CCDC154: variants seen among roughly 807,000 people sequenced by gnomAD.
CCDC154 encodes the protein coiled-coil domain-containing protein 154.
CCDC154 carries 91 observed loss-of-function variants against 87.5 expected under a neutral mutation model. The ratio of observed to expected loss-of-function variants is 1.04; its 90% CI spans 0.88 to 1.24. The LOEUF (loss-of-function observed/expected upper bound fraction) is 1.24. Among genes scored for constraint, CCDC154 ranks in the 50% most tolerant of loss-of-function variants. The probability of loss-of-function intolerance (pLI) is 0.00; values close to 1 mark genes in which losing one functional copy is unlikely to be tolerated. For synonymous variants in CCDC154, 418 were observed against 400.4 expected, an observed-to-expected ratio of 1.04 and a Z score of -0.52; for missense variants, 903 against 879.2, an observed-to-expected ratio of 1.03 and a Z score of -0.34.
At chr16:1,436,880 CG>C in intron 11 of CCDC154, 69 bp from the exon 12 acceptor site, 1 of 1,535,958 alleles carries the variant, frequency 6.5e-7, no homozygotes, top group East Asian at 2.5e-5. Flanking sequence ...AAGACGGACA[CG>C]GGGAGCTCTG....
At chr16:1,443,132 G>C (rs765577600) in intron 4 of CCDC154, 129 bp downstream of exon 4, 191 of 1,355,082 alleles carry the variant, frequency 1.4e-4, no homozygotes, top group Non-Finnish European at 1.9e-4. Flanking sequence ...TTTCTAGCTG[G>C]ACCTGGATGT....
rs900416064 is a variant in CCDC154, at chr16:1,436,881, G to A, written c.1291-70C>T. The A allele has an allele frequency of 2.7e-5, 41 of 1,525,202 alleles. 1 individual carries two copies. The highest frequency in any genetic ancestry group is 2.0e-4 in the East Asian group (8 of 40,608). 94.5% of individuals were successfully genotyped at this position (1,525,202 alleles called of 1,614,324 possible). On this transcript the variant is annotated intron_variant, in intron 11 of 16. Transcript: ENST00000389176. ...GACAGACAGATGGAAAGACGGACAC[G>A]GGGAGCTCTGGGGAGCAGGCGGCCC...
intron 6 of CCDC154, among the ~76,000 whole-genome samples, chr16:1,441,237 C>T (rs888907049): frequency 1.3e-5 from 2 of 152,232 alleles, no homozygotes; most frequent in Non-Finnish European, 2.9e-5. Context: ...ACACCTGGCA[C>T]CTTGGGAATC....
At position 1,437,742 on chromosome 16, in the gene CCDC154, G is replaced by A. The variant is rs1033595197; in HGVS notation, c.1290+75C>T. The A allele has an allele frequency of 1.4e-5, 20 of 1,447,100 alleles. No homozygotes were observed. In the African/African-American group the frequency reaches 2.4e-4, roughly 17 times the overall value. The allele number at this position is 1,447,100 out of a possible 1,614,324, so 89.6% of individuals were successfully genotyped here. A position where few individuals can be genotyped will look rare whatever the true frequency, so the allele number is the denominator to read the frequency against. Reference sequence around the variant, plus strand: ...GGCCTGTCAGGCCTCTACCCTGGGGGCAGTGGTGGGCTGAGAGCTGGAGGG... The same window carrying A: ...GGCCTGTCAGGCCTCTACCCTGGGGACAGTGGTGGGCTGAGAGCTGGAGGG... On this transcript the variant is annotated intron_variant, in intron 11 of 16. Transcript: ENST00000389176.
At chr16:1,440,936 G>A (rs1202186320) in intron 6 of CCDC154, among the ~76,000 whole-genome samples, 5 of 149,252 alleles carry the variant, frequency 3.4e-5, no homozygotes, top group African/African-American at 1.0e-4. Flanking sequence ...AGGCAACAGA[G>A]GGAGACTCCG....
chr16:1,443,138 G>T, intron 4 of CCDC154, 123 bp downstream of exon 4: 1 of 1,365,896 alleles, frequency 7.3e-7, no homozygotes, highest in Non-Finnish European at 1.0e-6. Flanking sequence ...GCTGGACCTG[G>T]ATGTGTATCC....
At position 1,438,042 on chromosome 16, in the gene CCDC154, C is replaced by G. The variant is rs752327046; in HGVS notation, c.1152+8G>C. On this transcript the variant is annotated splice_region_variant and intron_variant, in intron 10 of 16. Coordinates refer to ENST00000389176, the MANE Select transcript of CCDC154 (RefSeq NM_001143980.3). The stretch of plus-strand genomic sequence containing the variant: ...CCCCGTTGGGGACATGTTGCGCTAC[C>G]CCCTCACCAGCACCAGCTCTCCATG... 4 of 1,546,674 alleles carry G rather than the reference C, an allele frequency of 2.6e-6. No homozygotes were observed. The highest frequency in any genetic ancestry group is 1.2e-5 in the South Asian group (1 of 83,774).
Position 1,444,331 on chromosome 16 carries a change from G to T in CCDC154, c.-9C>A. The stretch of plus-strand genomic sequence containing the variant: ...CTCTGGTCACCTGACATGGCTGCTG[G>T]GCTGCACCGGCCACCCTGCCCTCGG... On this transcript the variant is annotated 5_prime_UTR_variant, in exon 1 of 17. Coordinates refer to ENST00000389176, the MANE Select transcript of CCDC154 (RefSeq NM_001143980.3). 7.7e-7 allele frequency: 1 copy of T among 1,301,876 alleles called. No homozygotes were observed. The allele number at this position is 1,301,876 out of a possible 1,614,324, so 80.6% of individuals were successfully genotyped here.
At position 1,443,465 on chromosome 16, in the gene CCDC154, G is replaced by A. The variant is rs938111092; in HGVS notation, c.414+41C>T. 4.9e-6 allele frequency: 7 copies of A among 1,436,394 alleles called. No homozygotes were observed. In the African/African-American group the frequency reaches 5.8e-5, roughly 12 times the overall value. 89.0% of individuals were successfully genotyped at this position (1,436,394 alleles called of 1,614,324 possible). ...CAGAAGCAGCTGCCCCCAACACCCAGGAAAGGGGCAGCTCGACCTGTGGGT... is the reference window on the plus strand; with the variant it reads ...CAGAAGCAGCTGCCCCCAACACCCAAGAAAGGGGCAGCTCGACCTGTGGGT... On this transcript the variant is annotated intron_variant, in intron 3 of 16. Transcript: ENST00000389176.
In CCDC154 at chr16:1,434,522, C is replaced by T. The variant is rs2038481065; in HGVS notation, c.1890G>A (p.Trp630Ter). Residue 630 changes from tryptophan to a stop codon, truncating the protein, a stop_gained, in exon 17 of 17, where the codon TGG becomes TGA. Transcript: ENST00000389176. LOFTEE classifies it low-confidence loss of function (END_TRUNC). ...GVYQAVRWLR[W>*]KASLIKLRAL... is the part of the protein sequence containing the mutation. The stretch of plus-strand genomic sequence containing the variant: ...CCCTGAGCTTTATGAGGGACGCCTT[C>T]CAGCGCAGCCACCTGTCCAGAGATG... The T allele has an allele frequency of 3.2e-6, 5 of 1,546,860 alleles. No homozygotes were observed. In the African/African-American group the frequency reaches 5.5e-5, roughly 17 times the overall value.
intron 14 of CCDC154, 140 bp downstream of exon 14, chr16:1,435,829 G>A (rs994321029): frequency 5.1e-5 from 37 of 724,948 alleles, no homozygotes; most frequent in East Asian, 2.2e-4. Flanking sequence ...CCTGGCCTCC[G>A]ACAGGTGGTT....
Position 1,444,376 on chromosome 16 carries a change from G to A in CCDC154, c.-54C>T. The A allele has an allele frequency of 7.7e-7, 1 of 1,294,706 alleles. No homozygotes were observed. The highest frequency in any genetic ancestry group is 2.3e-4 in the Middle Eastern group (1 of 4,334). The allele number at this position is 1,294,706 out of a possible 1,614,324, so 80.2% of individuals were successfully genotyped here. A position where few individuals can be genotyped will look rare whatever the true frequency, so the allele number is the denominator to read the frequency against. On this transcript the variant is annotated 5_prime_UTR_variant, in exon 1 of 17. Coordinates refer to ENST00000389176, the MANE Select transcript of CCDC154 (RefSeq NM_001143980.3). ...CCTCGGCTGTAGCTTGGGCCTTGGG[G>A]CCTCTGAGGTTGCCCAGAGCTGGGC...
At chr16:1,441,497 C>A (rs1361914908) in intron 6 of CCDC154, among the ~76,000 whole-genome samples, 1 of 152,198 alleles carries the variant, frequency 6.6e-6, no homozygotes, top group South Asian at 2.1e-4. Flanking sequence ...CCACCCACAG[C>A]GGAGGCCCCT....
intron 5 of CCDC154, 146 bp downstream of exon 5, chr16:1,442,734 G>T: frequency 9.8e-7 from 1 of 1,023,798 alleles, no homozygotes; most frequent in East Asian, 2.6e-5. Flanking sequence ...GCGGGCCCAG[G>T]CTTCCCAGCA....
chr16:1,435,842 C>T (rs1037576847), intron 14 of CCDC154, 127 bp downstream of exon 14: 1 of 808,428 alleles, frequency 1.2e-6, no homozygotes, highest in African/African-American at 1.7e-5. Flanking sequence ...AGGTGGTTTT[C>T]TGAGCGTCTC....
intron 13 of CCDC154, 74 bp from the exon 14 acceptor site, chr16:1,436,160 C>A: frequency 8.0e-7 from 1 of 1,247,400 alleles, no homozygotes; most frequent in South Asian, 1.3e-5. Flanking sequence ...ACAAAGGCCA[C>A]TCCCACAGCC....
In CCDC154 at chr16:1,434,391, G is replaced by A; in HGVS notation, c.*17C>T. On this transcript the variant is annotated 3_prime_UTR_variant, in exon 17 of 17. Coordinates refer to ENST00000389176, the MANE Select transcript of CCDC154 (RefSeq NM_001143980.3). ...CATCAGGGAACCTCAGCTCTAATGA[G>A]TACAAAGCCAGCACGTTTATTTCTG... 1.3e-6 allele frequency: 2 copies of A among 1,549,556 alleles called. No individual in the cohort carries two copies. Among genetic ancestry groups the A allele is most frequent in the Admixed American group, 2.0e-5 (1 of 50,978 alleles).
intron 9 of CCDC154, 74 bp downstream of exon 9, chr16:1,438,545 C>A: frequency 7.4e-7 from 1 of 1,349,802 alleles, no homozygotes. Context: ...CTGAGTCGGC[C>A]ACTGCGGCCC....
chr16:1,436,470 T>C lies in CCDC154; in HGVS notation c.1462A>G (p.Arg488Gly), dbSNP rs1338199169. Reference protein sequence around the residue: ...CLLHKSDSDLRISAEGKAREF... With the variant: ...CLLHKSDSDLGISAEGKAREF... The stretch of plus-strand genomic sequence containing the variant: ...CTGGCCTTGCCTTCGGCGGAAATCC[T>C]GAGGTCTGAGTCGCTCTTATGAAGC... The change falls in exon 13 of 17, where the codon AGG becomes GGG. Residue 488 changes from arginine (R) to glycine (G), a missense_variant. Physicochemically the swap from Arg to Gly is moderately radical, Grantham distance 125 (BLOSUM62 -2). Transcript: ENST00000389176. The C allele has an allele frequency of 3.9e-6, 6 of 1,548,854 alleles. No individual in the cohort carries two copies. The African/African-American group carries it at 4.1e-5, about 11-fold the overall frequency.
Sources: gnomAD v4.1 joint callset for allele counts (sites outside exome capture counted in the v4.1 genomes callset) on GRCh38, gnomAD v4.1.1 for gene constraint, MANE v1.5 for transcripts, NCBI Gene and HGNC (gene_info 2026-07-23, HGNC 2026-07-21) for gene names.